Variants in THAP12 observed in about 807,000 individuals in gnomAD.
THAP12 encodes 52 kDa repressor of the inhibitor of the protein kinase.
Under a neutral mutation model 63.0 loss-of-function variants are expected in THAP12, and 20 were observed. The ratio of observed to expected loss-of-function variants is 0.32; its 90% CI spans 0.22 to 0.46. The LOEUF is 0.46. THAP12 is among the 20% of genes least tolerant of loss of function. The probability of loss-of-function intolerance (pLI) is 1.00; values close to 1 mark genes in which losing one functional copy is unlikely to be tolerated. For missense variants in THAP12, 568 were observed against 908.2 expected (o/e 0.63, Z 4.81); for synonymous variants, 264 against 328.4 (o/e 0.80, Z 2.12).
At chr11:76,364,388 T>G (rs1246044439) in intron 2 of THAP12, 2 of 439,660 alleles carry the variant, frequency 4.5e-6, no homozygotes, top group South Asian at 3.3e-5. Context: ...AGAAATAAAA[T>G]AACCCAATCA....
At chr11:76,370,014 T>A (rs1946659602) in intron 1 of THAP12, among the ~76,000 whole-genome samples, 1 of 152,218 alleles carries the variant, frequency 6.6e-6, no homozygotes, top group Non-Finnish European at 1.5e-5. Flanking sequence ...TGGCTCCGCC[T>A]CAACACAGTG....
Position 76,351,884 on chromosome 11 carries a change from G to A in THAP12, c.1266C>T (p.Ile422=), listed in dbSNP as rs758348364. ...GCCTGCCTGTCCACTGAGAATGGCA[G>A]ATTTCCTTCAGTTCTTTACCCCTTT... ...SKERGKELKE[I]CHSQWTGRHD... is the part of the protein sequence containing the mutation. The change falls in exon 5 of 5, where the codon ATC becomes ATT. Residue 422 remains isoleucine, a synonymous_variant. Coordinates refer to ENST00000260045, the MANE Select transcript of THAP12 (RefSeq NM_004705.4). 2 of 1,599,382 alleles carry A rather than the reference G, an allele frequency of 1.3e-6. No homozygotes were observed. The highest frequency in any genetic ancestry group is 1.7e-6 in the Non-Finnish European group (2 of 1,173,658).
At chr11:76,354,014 G>GA (rs1301375516) in intron 4 of THAP12, among the ~76,000 whole-genome samples, 2 of 152,094 alleles carry the variant, frequency 1.3e-5, no homozygotes, top group East Asian at 1.9e-4. Flanking sequence ...GTCTCAAAAA[G>GA]AAAAAAGACT....
chr11:76,354,281 C>A (rs1202703500), intron 4 of THAP12, among the ~76,000 whole-genome samples: 6 of 152,138 alleles, frequency 3.9e-5, no homozygotes, highest in African/African-American at 1.4e-4. Flanking sequence ...CTCCTCAAAT[C>A]AGATGACACT....
intron 1 of THAP12, among the ~76,000 whole-genome samples, chr11:76,376,634 T>G (rs1946713379): frequency 2.6e-5 from 4 of 151,226 alleles, no homozygotes; most frequent in Middle Eastern, 3.4e-3. Flanking sequence ...GTTTTTTTTT[T>G]TTTTTCAGGT....
intron 3 of THAP12, 93 bp downstream of exon 3, chr11:76,360,862 GA>G: frequency 1.2e-6 from 1 of 819,684 alleles, no homozygotes; most frequent in Non-Finnish European, 2.0e-6. Flanking sequence ...CTGAAATAGA[GA>G]GTAATTTGGA....
At chr11:76,380,641 C>T in intron 1 of THAP12, 107 bp downstream of exon 1, 1 of 831,544 alleles carries the variant, frequency 1.2e-6, no homozygotes, top group Non-Finnish European at 1.6e-6. Flanking sequence ...GCTGCGCCCG[C>T]CTCCTGCGCC....
chr11:76,380,010 G>A (rs1946740517), intron 1 of THAP12, among the ~76,000 whole-genome samples: 1 of 152,174 alleles, frequency 6.6e-6, no homozygotes, highest in Non-Finnish European at 1.5e-5. Flanking sequence ...CACATAGTAG[G>A]CATTGATTTT....
chr11:76,376,615 G>GTT (rs375196452), intron 1 of THAP12, among the ~76,000 whole-genome samples: 33,989 of 125,388 alleles, frequency 0.27, 5,279 homozygotes, highest in Non-Finnish European at 0.33. Context: ...TTGTGTCTAT[G>GTT]TTTTTTTTGT....
At chr11:76,373,397 T>C (rs1737124442) in intron 1 of THAP12, among the ~76,000 whole-genome samples, 1 of 150,670 alleles carries the variant, frequency 6.6e-6, no homozygotes, top group South Asian at 2.1e-4. Flanking sequence ...CACCCCATTG[T>C]TTGGAAGATT....
Position 76,350,768 on chromosome 11 carries a change from A to G in THAP12, c.*96T>C, listed in dbSNP as rs548688547. ...TGGCTAATGTATTCAATGGAGTCCT[A>G]TAGGCAAAGATATTTAGTGATTAAG... On this transcript the variant is annotated 3_prime_UTR_variant, in exon 5 of 5. Coordinates refer to ENST00000260045, the MANE Select transcript of THAP12 (RefSeq NM_004705.4). 2 of 1,329,774 alleles carry G rather than the reference A, an allele frequency of 1.5e-6. No homozygotes were observed. Among genetic ancestry groups the G allele is most frequent in the Non-Finnish European group, 2.0e-6 (2 of 1,009,292 alleles). 82.4% of individuals were successfully genotyped at this position (1,329,774 alleles called of 1,614,324 possible). A position where few individuals can be genotyped will look rare whatever the true frequency, so the allele number is the denominator to read the frequency against.
At chr11:76,367,238 G>A (rs1946637971) in intron 1 of THAP12, among the ~76,000 whole-genome samples, 1 of 151,808 alleles carries the variant, frequency 6.6e-6, no homozygotes, top group South Asian at 2.1e-4. Flanking sequence ...TACCACGCCT[G>A]GCTAATTTTG....
Position 76,360,998 on chromosome 11 carries a change from C to G in THAP12, c.276G>C (p.Leu92Phe), listed in dbSNP as rs372433152. Reference protein sequence around the residue: ...IPTIFDLTSHLNNPHSRHRKR... With the variant: ...IPTIFDLTSHFNNPHSRHRKR... ...TTCTGTGTCTACTATGTGGGTTGTT[C>G]AAATGACTGGTAAGATCAAATATTG... Residue 92 changes from leucine (L) to phenylalanine (F), a missense_variant, in exon 3 of 5, where the codon TTG becomes TTC. By Grantham distance (22) the Leu-to-Phe change is conservative (BLOSUM62 0). Transcript: ENST00000260045. The G allele has an allele frequency of 6.2e-7, 1 of 1,610,810 alleles. No homozygotes were observed.
intron 3 of THAP12, chr11:76,357,856 G>A (rs1014063002): frequency 6.6e-6 from 1 of 152,072 alleles, no homozygotes; most frequent in Non-Finnish European, 1.5e-5. Flanking sequence ...GGACCTAAGA[G>A]AGACTTTTAT....
At chr11:76,378,351 G>A (rs1285216622) in intron 1 of THAP12, among the ~76,000 whole-genome samples, 1 of 152,152 alleles carries the variant, frequency 6.6e-6, no homozygotes. Context: ...TGTGAACATC[G>A]GTGGCAGAGG....
At chr11:76,372,255 C>T (rs1289464776) in intron 1 of THAP12, among the ~76,000 whole-genome samples, 1 of 152,000 alleles carries the variant, frequency 6.6e-6, no homozygotes, top group Non-Finnish European at 1.5e-5. Flanking sequence ...CGTGCAGCCA[C>T]TTTCTGTACA....
chr11:76,366,019 A>C, intron 1 of THAP12, 47 bp from the exon 2 acceptor site: 1 of 1,593,204 alleles, frequency 6.3e-7, no homozygotes, highest in African/African-American at 1.4e-5. Flanking sequence ...CTCAGCATTT[A>C]AATTTCAGCC....
intron 2 of THAP12, among the ~76,000 whole-genome samples, chr11:76,362,740 T>A (rs556658294): frequency 6.6e-6 from 1 of 152,342 alleles, no homozygotes; most frequent in South Asian, 2.1e-4. Context: ...TAAAACATTT[T>A]AACAAATTTT....
chr11:76,381,095 C>T lies in THAP12; in HGVS notation c.-259G>A, dbSNP rs1590810822. On this transcript the variant is annotated 5_prime_UTR_variant, in exon 1 of 5. Coordinates refer to ENST00000260045, the MANE Select transcript of THAP12 (RefSeq NM_004705.4). ...CCGCCGCCGCCGCTGGTGCACCTCC[C>T]GCCCGCCCGAGACGCTGCCGCCTCC... 5.3e-6 allele frequency: 1 copy of T among 187,146 alleles called. No homozygotes were observed. The highest frequency in any genetic ancestry group is 1.4e-4 in the East Asian group (1 of 7,146). The allele number at this position is 187,146 out of a possible 1,614,324, so 11.6% of individuals were successfully genotyped here.
Sources: allele counts gnomAD v4.1 joint callset (sites outside exome capture counted in the v4.1 genomes callset), GRCh38; gene constraint gnomAD v4.1.1; transcripts MANE v1.5; gene names NCBI Gene and HGNC (gene_info 2026-07-23, HGNC 2026-07-21).